Variants in RIMS2 observed in about 807,000 individuals in gnomAD.
RIMS2 encodes the protein regulating synaptic membrane exocytosis 2.
Under a neutral mutation model 174.4 loss-of-function variants are expected in RIMS2, and 59 were observed. The ratio of observed to expected loss-of-function variants is 0.34; its 90% CI spans 0.27 to 0.42. RIMS2 has a LOEUF of 0.42. RIMS2 is among the 10% of genes least tolerant of loss of function. The pLI is 1.00. For missense variants in RIMS2, 1,620 were observed against 1,666.3 expected, an observed-to-expected ratio of 0.97 and a Z score of 0.48; for synonymous variants, 606 against 572.5, an observed-to-expected ratio of 1.06 and a Z score of -0.84.
At chr8:103,592,707 C>A (rs10090537) in intron 1 of RIMS2, among the ~76,000 whole-genome samples, 2 of 151,086 alleles carry the variant, frequency 1.3e-5, no homozygotes, top group African/African-American at 2.4e-5. Flanking sequence ...GGTGCAGAAG[C>A]AATGCAGGTA....
chr8:103,757,630 T>A (rs1162760618), intron 2 of RIMS2, among the ~76,000 whole-genome samples: 2 of 152,190 alleles, frequency 1.3e-5, no homozygotes, highest in Non-Finnish European at 2.9e-5. Flanking sequence ...ATGAATGTTA[T>A]CTTATATGGC....
rs143753827 is a variant in RIMS2 at position 103,640,800 on chromosome 8, T to C, written c.177-56286T>C. 2.3e-3 allele frequency among the ~76,000 whole-genome samples: 351 copies of C among 152,238 alleles called. 6 individuals are homozygous for C. The highest frequency in any genetic ancestry group is 0.022 in the East Asian group (116 of 5,184). On this transcript the variant is annotated intron_variant, in intron 1 of 23. Coordinates refer to ENST00000504942, the Ensembl canonical transcript of RIMS2. ...GTGGTCTGTCTTGGTGTATGTTCCC[T>C]GGGTGCTTGAGAAGAATGTGTATTA...
chr8:103,849,545 T>C (rs2098986175), intron 3 of RIMS2, among the ~76,000 whole-genome samples: 1 of 152,026 alleles, frequency 6.6e-6, no homozygotes, highest in South Asian at 2.1e-4. Flanking sequence ...TGCAAGGCAT[T>C]GTTTTTTCCT....
intron 1 of RIMS2, among the ~76,000 whole-genome samples, chr8:103,521,246 T>G (rs1255250327): frequency 6.6e-6 from 1 of 151,874 alleles, no homozygotes; most frequent in African/African-American, 2.4e-5. Flanking sequence ...GTAACAAACC[T>G]GCACATTGTG....
At chr8:103,791,547 C>T (rs988263985) in intron 3 of RIMS2, among the ~76,000 whole-genome samples, 4 of 152,124 alleles carry the variant, frequency 2.6e-5, no homozygotes, top group Non-Finnish European at 4.4e-5. Flanking sequence ...ATCATAATGA[C>T]AGGATAAAAT....
intron 3 of RIMS2, among the ~76,000 whole-genome samples, chr8:103,786,537 T>G (rs1411124374): frequency 6.6e-6 from 1 of 152,222 alleles, no homozygotes; most frequent in Non-Finnish European, 1.5e-5. Context: ...TACCCAGTAG[T>G]CATTCAGGAG....
intron 19 of RIMS2, among the ~76,000 whole-genome samples, chr8:104,060,781 G>A (rs1479090554): frequency 4.6e-5 from 7 of 152,008 alleles, no homozygotes; most frequent in East Asian, 1.9e-4. Flanking sequence ...CTTTGTTCTC[G>A]CTGGTTTCAA....
intron 17 of RIMS2, among the ~76,000 whole-genome samples, chr8:104,002,318 G>A (rs904284682): frequency 4.6e-5 from 7 of 151,884 alleles, no homozygotes; most frequent in Non-Finnish European, 7.4e-5. Flanking sequence ...ATATCCAGAA[G>A]TTGAATCCAT....
Position 104,103,109 on chromosome 8 carries a change from G to A in RIMS2, c.3334+88494G>A, listed in dbSNP as rs182584294. 8.8e-3 allele frequency among the ~76,000 whole-genome samples: 1,339 copies of A among 151,956 alleles called. 24 individuals are homozygous for A. Among genetic ancestry groups the A allele is most frequent in the African/African-American group, 0.03 (1,225 of 41,410 alleles). ...CATGGATGAAGCTTGCAAAACTTAC[G>A]CTAAGTAAAAGAAGAAAGGCACAAA... On this transcript the variant is annotated intron_variant, in intron 19 of 23. Transcript: ENST00000504942.
chr8:103,975,330 T>C lies in RIMS2; in HGVS notation c.2771-20T>C. The C allele has an allele frequency of 6.3e-7, 1 of 1,579,354 alleles. No individual in the cohort carries two copies. The highest frequency in any genetic ancestry group is 8.7e-7 in the Non-Finnish European group (1 of 1,151,556). Reference sequence around the variant, plus strand: ...TTTGTACATACATAACTATAATATTTATTAATTTTCTACCTTTAGATTATC... The same window carrying C: ...TTTGTACATACATAACTATAATATTCATTAATTTTCTACCTTTAGATTATC... On this transcript the variant is annotated intron_variant, in intron 15 of 23. Transcript: ENST00000504942.
intron 3 of RIMS2, among the ~76,000 whole-genome samples, chr8:103,834,676 TTTTCTTTCTTTCTTTCTTTCTTTCTTTC>T (rs71297240): frequency 0.047 from 5,654 of 120,040 alleles, 240 homozygotes; most frequent in African/African-American, 0.11. Context: ...TCTGAGGTCT[TTTTCTTTCTTTCTTTCTTTCTTTCTTTC>T]TTTCTTTCTT....
At chr8:103,924,283 C>A (rs2078291533) in intron 10 of RIMS2, among the ~76,000 whole-genome samples, 1 of 151,462 alleles carries the variant, frequency 6.6e-6, no homozygotes, top group Non-Finnish European at 1.5e-5. Context: ...AAGTTTTGAC[C>A]CCCACATCAG....
intron 19 of RIMS2, among the ~76,000 whole-genome samples, chr8:104,164,849 G>T (rs1428433414): frequency 2.0e-5 from 3 of 151,884 alleles, no homozygotes; most frequent in African/African-American, 7.3e-5. Flanking sequence ...GTAACTAATG[G>T]GTACTAGGCT....
chr8:103,577,452 G>A (rs932307389), intron 1 of RIMS2, among the ~76,000 whole-genome samples: 5 of 152,062 alleles, frequency 3.3e-5, no homozygotes, highest in Non-Finnish European at 5.9e-5. Context: ...AACATCACAC[G>A]CCGGGGCCTG....
intron 1 of RIMS2, among the ~76,000 whole-genome samples, chr8:103,552,827 C>CA (rs1188545802): frequency 1.3e-5 from 2 of 152,096 alleles, no homozygotes; most frequent in Non-Finnish European, 2.9e-5. Context: ...TTTATGCAGC[C>CA]AAAACACACA....
intron 2 of RIMS2, among the ~76,000 whole-genome samples, chr8:103,717,448 A>G (rs1043427529): frequency 6.6e-6 from 1 of 152,130 alleles, no homozygotes; most frequent in Non-Finnish European, 1.5e-5. Flanking sequence ...CCTATAAGCT[A>G]TCTTCCAGCC....
At chr8:103,891,349 C>T (rs926983641) in intron 4 of RIMS2, among the ~76,000 whole-genome samples, 2 of 152,008 alleles carry the variant, frequency 1.3e-5, no homozygotes, top group African/African-American at 2.4e-5. Context: ...ACTTGATGCT[C>T]GTGTTTCACG....
In RIMS2 at chr8:103,891,844, G is replaced by A. The variant is rs575577280; in HGVS notation, c.1624+5621G>A. Among the ~76,000 whole-genome samples, 8 of 152,136 alleles carry A rather than the reference G, an allele frequency of 5.3e-5. No homozygotes were observed. In the East Asian group the frequency reaches 1.6e-3, roughly 30 times the overall value. ...TAATTTGTAGAGAAGACCTAGCATAGGAGGAAGGAAAAATAGACTACACCT... is the reference window on the plus strand; with the variant it reads ...TAATTTGTAGAGAAGACCTAGCATAAGAGGAAGGAAAAATAGACTACACCT... On this transcript the variant is annotated intron_variant, in intron 4 of 23. Coordinates refer to ENST00000504942, the Ensembl canonical transcript of RIMS2.
At chr8:103,964,292 G>A (rs2091137436) in intron 15 of RIMS2, among the ~76,000 whole-genome samples, 1 of 152,170 alleles carries the variant, frequency 6.6e-6, no homozygotes, top group Non-Finnish European at 1.5e-5. Flanking sequence ...GAGAGTTCCT[G>A]TTGAATGAGA....
Sources: allele counts gnomAD v4.1 joint callset (sites outside exome capture counted in the v4.1 genomes callset), GRCh38; gene constraint gnomAD v4.1.1; transcripts MANE v1.5; gene names NCBI Gene and HGNC (gene_info 2026-07-23, HGNC 2026-07-21).